Variants in OXR1 observed in about 807,000 individuals in gnomAD.
The protein encoded by OXR1 is oxidation resistance 1.
A neutral mutation model predicts 104.6 loss-of-function variants in OXR1; 41 were observed. The observed-to-expected ratio is 0.39, with a 90% confidence interval of 0.31 to 0.51. The LOEUF is 0.51. Ranked by LOEUF, OXR1 falls within the 20% of genes least tolerant of loss-of-function variation. OXR1 has a pLI of 0.77. For synonymous variants in OXR1, 348 were observed against 348.4 expected, an observed-to-expected ratio of 1.00 and a Z score of 0.01; for missense variants, 955 against 1,031.9, an observed-to-expected ratio of 0.93 and a Z score of 1.02.
chr8:106,414,655 T>TA (rs1818599673), intron 2 of OXR1, among the ~76,000 whole-genome samples: 1 of 152,036 alleles, frequency 6.6e-6, no homozygotes, highest in African/African-American at 2.4e-5. Context: ...GGGGAAGCAG[T>TA]AAAAAATATT....
intron 3 of OXR1, among the ~76,000 whole-genome samples, chr8:106,604,283 A>G (rs894175305): frequency 2.0e-5 from 3 of 152,152 alleles, no homozygotes; most frequent in African/African-American, 7.2e-5. Context: ...TATGACTCCT[A>G]TGGGTGAAGG....
intron 12 of OXR1, among the ~76,000 whole-genome samples, chr8:106,738,146 C>G (rs1834573256): frequency 6.6e-6 from 1 of 151,910 alleles, no homozygotes; most frequent in Non-Finnish European, 1.5e-5. Context: ...GTGAAATAAT[C>G]TTTGTGATTT....
At chr8:106,462,646 T>G (rs926428764) in intron 2 of OXR1, among the ~76,000 whole-genome samples, 1 of 152,156 alleles carries the variant, frequency 6.6e-6, no homozygotes. Context: ...TATTCAAAAG[T>G]CAACAAAATT....
intron 3 of OXR1, among the ~76,000 whole-genome samples, chr8:106,541,784 C>T (rs1021621247): frequency 2.0e-5 from 3 of 152,002 alleles, no homozygotes; most frequent in Admixed American, 1.3e-4. Context: ...AAAAATAGTT[C>T]CCAAGGGGAA....
intron 11 of OXR1, among the ~76,000 whole-genome samples, chr8:106,737,012 C>G (rs985545293): frequency 6.6e-6 from 1 of 152,014 alleles, no homozygotes; most frequent in Non-Finnish European, 1.5e-5. Flanking sequence ...ATATTGTTTT[C>G]TTGCTCTTCT....
intron 14 of OXR1, among the ~76,000 whole-genome samples, chr8:106,741,508 C>A (rs1429696556): frequency 6.6e-6 from 1 of 151,986 alleles, no homozygotes; most frequent in Non-Finnish European, 1.5e-5. Context: ...GTGTACTTTT[C>A]TATAATGTAT....
At chr8:106,590,723 C>G (rs1250682597) in intron 3 of OXR1, among the ~76,000 whole-genome samples, 1 of 152,220 alleles carries the variant, frequency 6.6e-6, no homozygotes, top group Non-Finnish European at 1.5e-5. Flanking sequence ...TCCTCCCAAT[C>G]TCAAGGTTAC....
Position 106,719,481 on chromosome 8 carries a change from A to T in OXR1, c.1956+5496A>T, listed in dbSNP as rs1250988458. Among the ~76,000 whole-genome samples, 2 of 152,220 alleles carry T rather than the reference A, an allele frequency of 1.3e-5. 1 individual carries two copies. Among genetic ancestry groups the T allele is most frequent in the South Asian group, 4.1e-4 (2 of 4,832 alleles). On this transcript the variant is annotated intron_variant, in intron 11 of 16. Coordinates refer to ENST00000517566, the MANE Select transcript of OXR1 (RefSeq NM_001198533.2). The stretch of plus-strand genomic sequence containing the variant: ...CATAAAAATATTTAGAATACATGTA[A>T]TATGTACAGTATGTATTTTTACAAT...
chr8:106,505,839 A>G (rs888114185), intron 2 of OXR1, among the ~76,000 whole-genome samples: 2 of 152,242 alleles, frequency 1.3e-5, no homozygotes, highest in Admixed American at 6.5e-5. Context: ...AATTCATCCA[A>G]CCACAGTGGA....
At chr8:106,618,171 T>C (rs912331638) in intron 3 of OXR1, 8 of 1,535,916 alleles carry the variant, frequency 5.2e-6, no homozygotes, top group Middle Eastern at 1.7e-4. Flanking sequence ...AGAAATGTTC[T>C]GCCAGCGCAA....
chr8:106,441,888 C>A (rs1363141933), intron 2 of OXR1, among the ~76,000 whole-genome samples: 1 of 152,152 alleles, frequency 6.6e-6, no homozygotes, highest in East Asian at 1.9e-4. Flanking sequence ...TTCCTCTCTT[C>A]CTATTTGAAT....
At chr8:106,309,883 T>A (rs1813626256) in intron 1 of OXR1, among the ~76,000 whole-genome samples, 1 of 151,630 alleles carries the variant, frequency 6.6e-6, no homozygotes, top group African/African-American at 2.4e-5. Context: ...TAAGAAAATG[T>A]ACCATTACTC....
intron 2 of OXR1, among the ~76,000 whole-genome samples, chr8:106,376,985 T>C (rs1301297212): frequency 3.3e-5 from 5 of 152,208 alleles, no homozygotes; most frequent in Admixed American, 2.0e-4. Flanking sequence ...CAGAACTGTA[T>C]ATGCTATGTC....
chr8:106,320,374 A>G (rs935489676), intron 1 of OXR1, among the ~76,000 whole-genome samples: 10 of 152,156 alleles, frequency 6.6e-5, no homozygotes, highest in African/African-American at 2.4e-4. Flanking sequence ...TGGTTAGCCC[A>G]CAGTGACAAG....
intron 1 of OXR1, among the ~76,000 whole-genome samples, chr8:106,291,955 CT>C (rs1812774479): frequency 1.3e-5 from 2 of 152,286 alleles, no homozygotes; most frequent in South Asian, 4.1e-4. Context: ...CAACGGGTCC[CT>C]CCCACAACAC....
chr8:106,496,309 A>G (rs1811406730), intron 2 of OXR1, among the ~76,000 whole-genome samples: 1 of 152,202 alleles, frequency 6.6e-6, no homozygotes, highest in Admixed American at 6.5e-5. Context: ...ATGTTTTCAT[A>G]AGCTCTCCAG....
chr8:106,483,293 T>A (rs1470882992), intron 2 of OXR1, among the ~76,000 whole-genome samples: 3 of 151,998 alleles, frequency 2.0e-5, no homozygotes, highest in Admixed American at 6.6e-5. Flanking sequence ...TGACCTCTAG[T>A]GCCATCTGGA....
At chr8:106,536,632 T>A (rs903916516) in intron 3 of OXR1, among the ~76,000 whole-genome samples, 5 of 152,188 alleles carry the variant, frequency 3.3e-5, no homozygotes, top group Admixed American at 6.5e-5. Flanking sequence ...ATTTTTTTTT[T>A]AATTTTTGTG....
chr8:106,590,252 T>C (rs547008966), intron 3 of OXR1, among the ~76,000 whole-genome samples: 2 of 152,332 alleles, frequency 1.3e-5, no homozygotes, highest in South Asian at 2.1e-4. Context: ...TCTAAATGAC[T>C]GCGGCAATAC....
Sources: allele counts gnomAD v4.1 joint callset (sites outside exome capture counted in the v4.1 genomes callset), GRCh38; gene constraint gnomAD v4.1.1; transcripts MANE v1.5; gene names NCBI Gene and HGNC (gene_info 2026-07-23, HGNC 2026-07-21).